The following NDEL1 variants were observed in gnomAD, a reference collection of about 807,000 sequenced individuals.
NDEL1 encodes nuclear distribution protein nudE-like 1.
In NDEL1, 9 loss-of-function variants were observed where a neutral mutation model predicts 45.7. The observed-to-expected ratio is 0.20, with a 90% CI of 0.12 to 0.34. The LOEUF (loss-of-function observed/expected upper bound fraction) is 0.34, where lower values mean the gene tolerates loss of function less well. Among genes scored for constraint, NDEL1 ranks in the 10% least tolerant of loss-of-function variants. The probability of loss-of-function intolerance (pLI) is 1.00; values close to 1 mark genes in which losing one functional copy is unlikely to be tolerated. For missense variants in NDEL1, 306 were observed against 406.2 expected (o/e 0.75, Z 2.12); for synonymous variants, 133 against 158.6 (o/e 0.84, Z 1.21).
At chr17:8,469,683 G>C (rs943025055), downstream of NDEL1, among the ~76,000 whole-genome samples, 1 of 149,054 alleles carries the variant, frequency 6.7e-6, no homozygotes, top group African/African-American at 2.5e-5. Context: ...AGCAGTGGGG[G>C]GTTATATACC....
chr17:8,463,087 C>T (rs566274618), intron 8 of NDEL1: 4 of 384,168 alleles, frequency 1.0e-5, no homozygotes, highest in African/African-American at 6.3e-5. Context: ...CCCTTTGTCT[C>T]ACCATCTGAA....
In NDEL1 at chr17:8,435,968, C is replaced by T. The variant is rs1406520828; in HGVS notation, c.-90C>T. The T allele has an allele frequency of 2.2e-6, 1 of 446,514 alleles. No homozygotes were observed. The highest frequency in any genetic ancestry group is 4.5e-6 in the Non-Finnish European group (1 of 223,168). 27.7% of individuals were successfully genotyped at this position (446,514 alleles called of 1,614,324 possible). ...TGCGTAGGGGAGCTGAGCCGAGCGG[C>T]TGGGCGGGCCTGGCCGGGCCGGCGG... On this transcript the variant is annotated 5_prime_UTR_variant, in exon 1 of 9. Transcript: ENST00000334527.
At chr17:8,450,983 T>A in intron 6 of NDEL1, 30 bp downstream of exon 6, 2 of 1,591,764 alleles carry the variant, frequency 1.3e-6, no homozygotes, top group Non-Finnish European at 1.7e-6. Flanking sequence ...TTTGAGGCGA[T>A]GTGTTAGATG....
intron 1 of NDEL1, among the ~76,000 whole-genome samples, chr17:8,429,233 C>G (rs1235455005): frequency 6.6e-6 from 1 of 152,140 alleles, no homozygotes; most frequent in Admixed American, 6.5e-5. Context: ...GTCAGTCTTG[C>G]CTTTGAAGTT....
chr17:8,445,514 G>C (rs187889979), intron 2 of NDEL1, among the ~76,000 whole-genome samples, 197 bp from the exon 3 acceptor site: 9 of 152,182 alleles, frequency 5.9e-5, no homozygotes, highest in Admixed American at 5.9e-4. Context: ...TCACTGACTT[G>C]TGGCTCCTTT....
chr17:8,455,780 TATTACCCC>T (rs1910802735), intron 7 of NDEL1, among the ~76,000 whole-genome samples: 2 of 151,788 alleles, frequency 1.3e-5, no homozygotes, highest in South Asian at 4.2e-4. Flanking sequence ...TCATCAAGAG[TATTACCCC>T]ATTTTTTAGT....
intron 1 of NDEL1, among the ~76,000 whole-genome samples, chr17:8,420,708 T>C (rs1370775850): frequency 1.3e-5 from 2 of 152,212 alleles, no homozygotes; most frequent in Non-Finnish European, 2.9e-5. Flanking sequence ...CCCTTGTAAG[T>C]CTCATTATAT....
At chr17:8,451,187 A>C (rs1910483439) in intron 6 of NDEL1, among the ~76,000 whole-genome samples, 1 of 152,208 alleles carries the variant, frequency 6.6e-6, no homozygotes. Context: ...GTTTTTAAGG[A>C]AAGTTTATTT....
chr17:8,442,780 T>C (rs1447668330), intron 1 of NDEL1, among the ~76,000 whole-genome samples: 2 of 140,984 alleles, frequency 1.4e-5, no homozygotes, highest in Admixed American at 7.1e-5. Context: ...TTATTTACTT[T>C]TTTTTTTTTT....
At chr17:8,468,557 C>G (rs1911747500), downstream of NDEL1, among the ~76,000 whole-genome samples, 1 of 152,244 alleles carries the variant, frequency 6.6e-6, no homozygotes, top group Admixed American at 6.5e-5. Context: ...CGAACCGGCA[C>G]TTCTCCTCAT....
At chr17:8,426,988 A>AG (rs1335909784) in intron 1 of NDEL1, among the ~76,000 whole-genome samples, 4 of 152,222 alleles carry the variant, frequency 2.6e-5, no homozygotes, top group Non-Finnish European at 5.9e-5. Context: ...GGCCTGCACA[A>AG]GGCAAAGCAC....
intron 2 of NDEL1, 121 bp from the exon 3 acceptor site, chr17:8,445,590 A>T: frequency 2.0e-6 from 2 of 991,224 alleles, no homozygotes; most frequent in Non-Finnish European, 1.4e-6. Flanking sequence ...GATTGTCTTT[A>T]GTATATTTTA....
At chr17:8,414,667 A>G (rs1870860071) in intron 1 of NDEL1, among the ~76,000 whole-genome samples, 1 of 146,392 alleles carries the variant, frequency 6.8e-6, no homozygotes, top group African/African-American at 2.5e-5. Flanking sequence ...ACTCCATCTC[A>G]AAAAAAAAAA....
intron 2 of NDEL1, 165 bp downstream of exon 2, chr17:8,444,522 T>G: frequency 1.8e-6 from 1 of 570,664 alleles, no homozygotes; most frequent in Admixed American, 3.3e-5. Flanking sequence ...ATTTAAATAG[T>G]GTAAACATGC....
Position 8,444,323 on chromosome 17 carries a change from T to C in NDEL1, c.52T>C (p.Tyr18His). Reference protein sequence around the residue: ...DFSSLKEETAYWKELSLKYKQ... With the variant: ...DFSSLKEETAHWKELSLKYKQ... ...TTCAAGTTTAAAGGAGGAAACTGCT[T>C]ATTGGAAGGAACTTTCCTTGAAGTA... The change falls in exon 2 of 9, where the codon TAT becomes CAT. Residue 18 changes from tyrosine to histidine, a missense_variant. Tyr to His is a moderately conservative substitution (Grantham distance 83). This residue lies in a region of NDEL1 where 112 missense variants were observed against 148.3 expected (regional missense o/e 0.76). Coordinates refer to ENST00000334527, the MANE Select transcript of NDEL1 (RefSeq NM_030808.5). 3.1e-6 allele frequency: 5 copies of C among 1,613,362 alleles called. No individual in the cohort carries two copies. The South Asian group carries it at 5.5e-5, about 18-fold the overall frequency.
downstream of NDEL1, among the ~76,000 whole-genome samples, chr17:8,468,736 G>A (rs116175800): frequency 3.0e-3 from 460 of 152,348 alleles, 2 homozygotes; most frequent in African/African-American, 0.011. Context: ...AACTGAAAAC[G>A]ATGTGAATCA....
intron 1 of NDEL1, among the ~76,000 whole-genome samples, chr17:8,442,306 G>A (rs1196381615): frequency 2.0e-5 from 3 of 152,126 alleles, no homozygotes; most frequent in African/African-American, 4.8e-5. Context: ...TAAACTACCC[G>A]CACATCTTTT....
chr17:8,446,166 G>A (rs1910067627), intron 3 of NDEL1: 2 of 200,910 alleles, frequency 1.0e-5, no homozygotes, highest in Non-Finnish European at 2.0e-5. Flanking sequence ...CAGATAGGTT[G>A]CCTCATTCTG....
intron 8 of NDEL1, chr17:8,461,023 C>T (rs1419550000): frequency 6.6e-6 from 1 of 152,136 alleles, no homozygotes; most frequent in African/African-American, 2.4e-5. Context: ...CTGGGATGCT[C>T]ACGGTGTTGC....
Sources: allele counts gnomAD v4.1 joint callset (sites outside exome capture counted in the v4.1 genomes callset), GRCh38; gene constraint gnomAD v4.1.1; regional missense constraint gnomAD v4.1.1; transcripts MANE v1.5; gene names NCBI Gene and HGNC (gene_info 2026-07-23, HGNC 2026-07-21).